The following JAK1 variants were observed in gnomAD, a reference collection of about 807,000 sequenced individuals.
The protein encoded by JAK1 is tyrosine-protein kinase JAK1.
JAK1 carries 16 observed loss-of-function variants against 136.6 expected under a neutral mutation model. That is an observed-to-expected ratio of 0.12 (90% CI 0.08 to 0.18). The LOEUF is 0.18. Among genes scored for constraint, JAK1 ranks in the 10% least tolerant of loss-of-function variants. JAK1 has a pLI of 1.00. For synonymous variants in JAK1, 492 were observed against 519.5 expected (o/e 0.95, Z 0.72); for missense variants, 859 against 1,450.1 (o/e 0.59, Z 6.62).
chr1:64,887,593 G>A (rs1421218062), intron 1 of JAK1, among the ~76,000 whole-genome samples: 1 of 152,116 alleles, frequency 6.6e-6, no homozygotes, highest in Non-Finnish European at 1.5e-5. Context: ...ACAGTCAATG[G>A]GAAGAATGGA....
rs764205124 is a variant in JAK1 at position 64,841,609 on chromosome 1, CAA to C, written c.2404-10_2404-9del. 1 of 1,613,440 alleles carries C rather than the reference CAA, an allele frequency of 6.2e-7. No homozygotes were observed. On this transcript the variant is annotated splice_polypyrimidine_tract_variant and intron_variant, in intron 17 of 24. Coordinates refer to ENST00000342505, the MANE Select transcript of JAK1 (RefSeq NM_002227.4). ...TTCATAGAATCTCTCTTTCTGTAAA[CAA>C]GAGGGGCACATGGAAGAAACCAAAG...
intron 1 of JAK1, among the ~76,000 whole-genome samples, chr1:64,947,887 T>A (rs556579194): frequency 6.6e-6 from 1 of 152,190 alleles, no homozygotes; most frequent in Non-Finnish European, 1.5e-5. Flanking sequence ...TTTAAATCTA[T>A]ACTATATAAT....
chr1:65,040,056 A>G (rs1647115577), intron 2 of JAK1, among the ~76,000 whole-genome samples: 1 of 152,122 alleles, frequency 6.6e-6, no homozygotes, highest in East Asian at 1.9e-4. Flanking sequence ...CTCTACAAAA[A>G]ATATAAAAAT....
At chr1:65,018,305 GAAAT>G (rs1276587444) in intron 2 of JAK1, among the ~76,000 whole-genome samples, 2 of 151,966 alleles carry the variant, frequency 1.3e-5, no homozygotes, top group South Asian at 2.1e-4. Flanking sequence ...AAGATAAACA[GAAAT>G]AAAGAAGTAG....
chr1:64,883,260 C>A lies in JAK1; in HGVS notation c.205+17G>T. ...TGTTGGTGAAACCCCCAGCCCTGGG[C>A]AGCTGCCAGTACTCACGGCATGCCT... On this transcript the variant is annotated intron_variant, in intron 3 of 24. Coordinates refer to ENST00000342505, the MANE Select transcript of JAK1 (RefSeq NM_002227.4). 1 of 1,601,116 alleles carries A rather than the reference C, an allele frequency of 6.2e-7. No homozygotes were observed. Among genetic ancestry groups the A allele is most frequent in the East Asian group, 2.2e-5 (1 of 44,582 alleles).
chr1:65,018,422 T>A (rs116094495), intron 2 of JAK1, among the ~76,000 whole-genome samples: 2,333 of 150,850 alleles, frequency 0.015, 46 homozygotes, highest in African/African-American at 0.054. Flanking sequence ...AAAAAAGGTG[T>A]AAAATATTTG....
intron 2 of JAK1, among the ~76,000 whole-genome samples, chr1:65,013,263 G>C (rs1450060902): frequency 7.3e-5 from 11 of 151,490 alleles, no homozygotes; most frequent in Admixed American, 6.6e-4. Context: ...CGGGCGTGCT[G>C]GCATGCACCT....
intron 1 of JAK1, among the ~76,000 whole-genome samples, chr1:64,916,249 A>G (rs2100331199): frequency 6.6e-6 from 1 of 152,352 alleles, no homozygotes; most frequent in East Asian, 1.9e-4. Context: ...CAGAAAGATA[A>G]AAGAATACCT....
chr1:64,913,675 G>A (rs138945870), intron 1 of JAK1, among the ~76,000 whole-genome samples: 982 of 26,516 alleles, frequency 0.037, 14 homozygotes, highest in East Asian at 0.14. Context: ...AAGGAAGGAA[G>A]GAAGGAAGGA....
At chr1:64,910,089 A>G (rs569743552) in intron 1 of JAK1, among the ~76,000 whole-genome samples, 1 of 152,334 alleles carries the variant, frequency 6.6e-6, no homozygotes, top group East Asian at 1.9e-4. Flanking sequence ...TCATGAAAAT[A>G]ATGTTGAAAC....
intron 8 of JAK1, among the ~76,000 whole-genome samples, chr1:64,863,763 T>C (rs1276846417): frequency 6.6e-6 from 1 of 152,222 alleles, no homozygotes; most frequent in Non-Finnish European, 1.5e-5. Flanking sequence ...GATTTTCTAA[T>C]ATTCTGCTTC....
At position 65,043,117 on chromosome 1, in the gene JAK1, T is replaced by G. The variant is rs763286366; in HGVS notation, c.-78+1363A>C. Among the ~76,000 whole-genome samples, 8 of 152,202 alleles carry G rather than the reference T, an allele frequency of 5.3e-5. No individual in the cohort carries two copies. In the East Asian group the frequency reaches 1.5e-3, roughly 29 times the overall value. ...AATGTTTTTCACTCAAAACAGTGCA[T>G]GAGACCTGCTGTTTATCCCAATCGC... On this transcript the variant is annotated intron_variant, in intron 2 of 25. Coordinates refer to the JAK1 transcript ENST00000671954.
chr1:64,964,008 C>A (rs901535877), intron 1 of JAK1, among the ~76,000 whole-genome samples: 1 of 152,236 alleles, frequency 6.6e-6, no homozygotes, highest in East Asian at 1.9e-4. Context: ...CAAAATCATA[C>A]CCTTACTAGT....
intron 1 of JAK1, among the ~76,000 whole-genome samples, chr1:64,928,797 C>CAAAAAAAACA (rs1645635237): frequency 1.2e-5 from 1 of 80,816 alleles, no homozygotes; most frequent in African/African-American, 4.2e-5. Flanking sequence ...AAAAAAAAAA[C>CAAAAAAAACA]AAAAAAAAAA....
intron 13 of JAK1, 179 bp from the exon 14 acceptor site, chr1:64,846,915 T>C (rs1044390851): frequency 3.4e-6 from 2 of 589,592 alleles, no homozygotes; most frequent in African/African-American, 1.9e-5. Context: ...CCTTGTTCTC[T>C]GGGCCAACCT....
rs1016937481 is a variant in JAK1, at chr1:64,835,351, A to T, written c.3369+45T>A. ...GCTGGACAACTCAAGCTGCGAAAAC[A>T]TAATAGAAATGGAGTGTTATTACTG... is the stretch of plus-strand genomic sequence containing the variant. On this transcript the variant is annotated intron_variant, in intron 24 of 24. Transcript: ENST00000342505. 3.8e-6 allele frequency: 4 copies of T among 1,063,598 alleles called. No individual in the cohort carries two copies. The Admixed American group carries it at 7.1e-5, about 19-fold the overall frequency. The allele number at this position is 1,063,598 out of a possible 1,614,324, so 65.9% of individuals were successfully genotyped here.
In JAK1 at chr1:64,869,426, T is replaced by C. The variant is rs1444835802; in HGVS notation, c.532A>G (p.Thr178Ala). ...KCLAPIRDPK[T>A]EQDGHDIENE... Reference sequence around the variant, plus strand: ...TCAATATCATGTCCATCCTGCTCGGTCTTGGGGTCTCGAATAGGAGCCAGG... The same window carrying C: ...TCAATATCATGTCCATCCTGCTCGGCCTTGGGGTCTCGAATAGGAGCCAGG... Residue 178 changes from threonine to alanine, a missense_variant, in exon 6 of 25, where the codon ACC becomes GCC. Transcript: ENST00000342505. The C allele has an allele frequency of 6.2e-7, 1 of 1,613,790 alleles. No homozygotes were observed. The highest frequency in any genetic ancestry group is 1.3e-5 in the African/African-American group (1 of 74,862).
intron 1 of JAK1, among the ~76,000 whole-genome samples, chr1:64,930,765 T>C (rs930380383): frequency 7.2e-5 from 11 of 152,142 alleles, no homozygotes; most frequent in Non-Finnish European, 1.0e-4. Context: ...CCATCAATGA[T>C]AGACTGGATA....
chr1:64,839,825 A>C (rs1022121096), intron 19 of JAK1, 30 bp from the exon 20 acceptor site: 1 of 1,565,922 alleles, frequency 6.4e-7, no homozygotes, highest in Admixed American at 1.9e-5. Flanking sequence ...TGCTGTTATC[A>C]GGGAAGCCCC....
Sources: allele counts gnomAD v4.1 joint callset (sites outside exome capture counted in the v4.1 genomes callset), GRCh38; gene constraint gnomAD v4.1.1; transcripts MANE v1.5; gene names NCBI Gene and HGNC (gene_info 2026-07-23, HGNC 2026-07-21).